The following CRACD variants were observed in gnomAD, a reference collection of about 807,000 sequenced individuals.
The protein encoded by CRACD is capping protein inhibiting regulator of actin dynamics.
Under a neutral mutation model 106.8 loss-of-function variants are expected in CRACD, and 56 were observed. The observed-to-expected ratio is 0.52, with a 90% CI of 0.42 to 0.66. The LOEUF (loss-of-function observed/expected upper bound fraction) is 0.66, where lower values mean the gene tolerates loss of function less well. CRACD is among the 30% of genes least tolerant of loss of function. The pLI is 0.00. For missense variants in CRACD, 1,730 were observed against 1,623.2 expected (o/e 1.07, Z -1.13); for synonymous variants, 754 against 670.8 (o/e 1.12, Z -1.92).
rs1746588792 is a variant in CRACD, at chr4:56,328,203, CA to C, written c.*403del. ...ATTCTATGCACTAATTTTCTTTGTC[CA>C]AAACATTTACTCTACCATATGTCTG... On this transcript the variant is annotated 3_prime_UTR_variant, in exon 11 of 11. Transcript: ENST00000682029. The C allele has an allele frequency of 2.4e-6, 1 of 424,618 alleles. No individual in the cohort carries two copies. The highest frequency in any genetic ancestry group is 2.0e-5 in the African/African-American group (1 of 48,972). 26.3% of individuals were successfully genotyped at this position (424,618 alleles called of 1,614,324 possible). A position where few individuals can be genotyped will look rare whatever the true frequency, so the allele number is the denominator to read the frequency against.
At chr4:56,140,239 T>C (rs1319500062) in intron 1 of CRACD, among the ~76,000 whole-genome samples, 3 of 152,218 alleles carry the variant, frequency 2.0e-5, no homozygotes, top group Non-Finnish European at 4.4e-5. Context: ...CTCTCAGGCA[T>C]AGTCACTGTG....
At chr4:56,311,159 T>G (rs945810143) in intron 6 of CRACD, 2 of 171,496 alleles carry the variant, frequency 1.2e-5, no homozygotes, top group African/African-American at 4.8e-5. Flanking sequence ...TATGTTGTTT[T>G]TTAAACTTTT....
At position 56,145,279 on chromosome 4, in the gene CRACD, C is replaced by T. The variant is rs146112152; in HGVS notation, c.-335-34005C>T. 9.9e-5 allele frequency among the ~76,000 whole-genome samples: 15 copies of T among 152,284 alleles called. No homozygotes were observed. The East Asian group carries it at 2.7e-3, about 27-fold the overall frequency. The stretch of plus-strand genomic sequence containing the variant: ...CAGCATTTCCCAAATGAGTATTTCA[C>T]GGAATGCTATTCCAAAGAATGCTGA... On this transcript the variant is annotated intron_variant, in intron 1 of 10. Transcript: ENST00000682029.
rs574377847 is a variant in CRACD, at chr4:56,135,854, G to A, written c.-335-43430G>A. 2.5e-4 allele frequency among the ~76,000 whole-genome samples: 38 copies of A among 152,242 alleles called. 1 individual carries two copies. The South Asian group carries it at 4.8e-3, about 19-fold the overall frequency. On this transcript the variant is annotated intron_variant, in intron 1 of 10. Transcript: ENST00000682029. The stretch of plus-strand genomic sequence containing the variant: ...CTCTTTTGAAACTAATAAGGAAACC[G>A]TCACCACAATTAATAGAAAGACTAT...
chr4:56,267,348 T>C (rs1347120674), intron 2 of CRACD, among the ~76,000 whole-genome samples: 1 of 152,042 alleles, frequency 6.6e-6, no homozygotes, highest in Non-Finnish European at 1.5e-5. Flanking sequence ...GGTCTCAAAC[T>C]CCTGACCTCG....
chr4:56,281,238 G>A (rs984323094), intron 3 of CRACD, among the ~76,000 whole-genome samples: 1 of 152,078 alleles, frequency 6.6e-6, no homozygotes, highest in Non-Finnish European at 1.5e-5. Flanking sequence ...ATGGGAGCAT[G>A]AACCCTATTG....
intron 1 of CRACD, among the ~76,000 whole-genome samples, chr4:56,095,799 A>C (rs745397467): frequency 6.6e-6 from 1 of 152,166 alleles, no homozygotes; most frequent in African/African-American, 2.4e-5. Flanking sequence ...GAGAGTGACA[A>C]TGTGGGGTGG....
chr4:56,204,377 G>A (rs1738026706), intron 2 of CRACD, among the ~76,000 whole-genome samples: 1 of 152,246 alleles, frequency 6.6e-6, no homozygotes, highest in Admixed American at 6.5e-5. Context: ...AGGCTGGGAA[G>A]TTCGAGGTCA....
At chr4:56,095,819 G>A (rs1382093829) in intron 1 of CRACD, among the ~76,000 whole-genome samples, 2 of 152,180 alleles carry the variant, frequency 1.3e-5, no homozygotes, top group East Asian at 3.8e-4. Flanking sequence ...GGGAGACCAG[G>A]TAGGAAGCTC....
At chr4:56,276,395 G>T (rs1296378477) in intron 3 of CRACD, among the ~76,000 whole-genome samples, 1 of 152,082 alleles carries the variant, frequency 6.6e-6, no homozygotes, top group Non-Finnish European at 1.5e-5. Flanking sequence ...TAGGAAGAAG[G>T]ATGTAGTATG....
At chr4:56,225,581 A>G (rs80043634) in intron 2 of CRACD, among the ~76,000 whole-genome samples, 4,180 of 151,754 alleles carry the variant, frequency 0.028, 185 homozygotes, top group African/African-American at 0.095. Flanking sequence ...TTCCCCAAGT[A>G]CCCCTTATTC....
chr4:56,157,643 T>C (rs1307661073), intron 1 of CRACD, among the ~76,000 whole-genome samples: 1 of 152,202 alleles, frequency 6.6e-6, no homozygotes, highest in African/African-American at 2.4e-5. Flanking sequence ...GCTATTTTTT[T>C]TAAGTCAAGG....
chr4:56,284,763 G>A (rs963633427), intron 3 of CRACD, among the ~76,000 whole-genome samples: 3 of 151,968 alleles, frequency 2.0e-5, no homozygotes, highest in Non-Finnish European at 4.4e-5. Flanking sequence ...CATCTGTGTC[G>A]TACTTTACAA....
chr4:56,123,547 G>A (rs1467341748), intron 1 of CRACD, among the ~76,000 whole-genome samples: 1 of 152,164 alleles, frequency 6.6e-6, no homozygotes, highest in East Asian at 1.9e-4. Context: ...TCACGTTGAG[G>A]GTTAGGGACT....
intron 1 of CRACD, among the ~76,000 whole-genome samples, chr4:56,063,328 G>T (rs1226218906): frequency 6.6e-6 from 1 of 152,112 alleles, no homozygotes. Flanking sequence ...AAGTAGCTGG[G>T]ATCATAGGTG....
At chr4:56,245,308 G>T (rs1232239483) in intron 2 of CRACD, among the ~76,000 whole-genome samples, 1 of 152,124 alleles carries the variant, frequency 6.6e-6, no homozygotes, top group Non-Finnish European at 1.5e-5. Context: ...GTTACCATTG[G>T]TCTGTGGTTG....
intron 2 of CRACD, among the ~76,000 whole-genome samples, chr4:56,222,883 G>T (rs1185475739): frequency 6.6e-6 from 1 of 152,050 alleles, no homozygotes; most frequent in Non-Finnish European, 1.5e-5. Context: ...GCTGAGGCAG[G>T]AGAATCACTT....
At chr4:56,305,688 G>A (rs1048016799) in intron 4 of CRACD, among the ~76,000 whole-genome samples, 7 of 152,178 alleles carry the variant, frequency 4.6e-5, no homozygotes, top group African/African-American at 1.7e-4. Context: ...GGCTGGGAGA[G>A]CCAGGCATAC....
intron 3 of CRACD, among the ~76,000 whole-genome samples, chr4:56,284,196 G>A (rs1743196479): frequency 7.0e-6 from 1 of 143,340 alleles, no homozygotes; most frequent in Non-Finnish European, 1.5e-5. Flanking sequence ...GCTCATACCT[G>A]TAATACCAGC....
Sources: gnomAD v4.1 joint callset for allele counts (sites outside exome capture counted in the v4.1 genomes callset) on GRCh38, gnomAD v4.1.1 for gene constraint, MANE v1.5 for transcripts, NCBI Gene and HGNC (gene_info 2026-07-23, HGNC 2026-07-21) for gene names.